STXBP5L: variants seen among roughly 807,000 people sequenced by gnomAD.
STXBP5L encodes syntaxin binding protein 5L.
Under a neutral mutation model 144.5 loss-of-function variants are expected in STXBP5L, and 65 were observed. That is an observed-to-expected ratio of 0.45 (90% CI 0.37 to 0.55). The LOEUF (loss-of-function observed/expected upper bound fraction) is 0.55, where lower values mean the gene tolerates loss of function less well. Among genes scored for constraint, STXBP5L ranks in the 20% least tolerant of loss-of-function variants. The pLI, the probability that STXBP5L is intolerant of heterozygous loss-of-function variation, is 0.00. For synonymous variants in STXBP5L, 505 were observed against 469.6 expected (o/e 1.08, Z -0.97); for missense variants, 1,298 against 1,405.5 (o/e 0.92, Z 1.22).
At chr3:121,203,330 A>G (rs916780442) in intron 9 of STXBP5L, among the ~76,000 whole-genome samples, 1 of 152,112 alleles carries the variant, frequency 6.6e-6, no homozygotes. Flanking sequence ...CTTTTAATCT[A>G]GTCAAATTGG....
intron 10 of STXBP5L, among the ~76,000 whole-genome samples, chr3:121,209,679 A>G (rs1192735918): frequency 9.9e-5 from 15 of 151,452 alleles, no homozygotes; most frequent in African/African-American, 4.9e-5. Context: ...GAGAACATGC[A>G]GTGTTTGGTT....
chr3:120,951,139 C>A (rs910513815), intron 2 of STXBP5L, among the ~76,000 whole-genome samples: 21 of 152,034 alleles, frequency 1.4e-4, no homozygotes, highest in Admixed American at 1.2e-3. Flanking sequence ...TTACACCTTA[C>A]ACAAAAATCA....
intron 10 of STXBP5L, among the ~76,000 whole-genome samples, chr3:121,209,594 C>T (rs1326710875): frequency 6.6e-6 from 1 of 152,014 alleles, no homozygotes; most frequent in Admixed American, 6.6e-5. Context: ...CCCCCCACCC[C>T]ATGACAGGCC....
intron 7 of STXBP5L, among the ~76,000 whole-genome samples, chr3:121,132,858 A>T (rs1302436891): frequency 6.6e-6 from 1 of 152,132 alleles, no homozygotes; most frequent in Non-Finnish European, 1.5e-5. Flanking sequence ...AAATCACTAG[A>T]GGGGTCAATA....
chr3:121,153,250 A>C (rs946424638), intron 8 of STXBP5L, among the ~76,000 whole-genome samples: 3 of 152,038 alleles, frequency 2.0e-5, no homozygotes, highest in Non-Finnish European at 4.4e-5. Flanking sequence ...CGGGCCATTA[A>C]TTATTTTTCC....
At chr3:120,962,111 C>T (rs577110556) in intron 3 of STXBP5L, among the ~76,000 whole-genome samples, 41 of 151,418 alleles carry the variant, frequency 2.7e-4, no homozygotes, top group Non-Finnish European at 3.5e-4. Flanking sequence ...GCCCACTTTT[C>T]GATGGGGTTG....
chr3:121,359,645 A>C (rs1021314099), intron 20 of STXBP5L, among the ~76,000 whole-genome samples: 3 of 151,942 alleles, frequency 2.0e-5, no homozygotes, highest in Non-Finnish European at 2.9e-5. Context: ...GTAGAGGTCT[A>C]TTTTCATTGT....
In STXBP5L at chr3:121,091,869, G is replaced by A. The variant is rs868442645; in HGVS notation, c.471-23056G>A. Reference sequence around the variant, plus strand: ...CTTGCCCATGCCTATGTCCTGAATGGTAATGCCTAGGTTTTCTTCTAGGAT... The same window carrying A: ...CTTGCCCATGCCTATGTCCTGAATGATAATGCCTAGGTTTTCTTCTAGGAT... On this transcript the variant is annotated intron_variant, in intron 5 of 26. Transcript: ENST00000471454. Among the ~76,000 whole-genome samples the A allele has an allele frequency of 2.6e-5, 4 of 152,216 alleles. No homozygotes were observed. In the South Asian group the frequency reaches 6.2e-4, roughly 24 times the overall value.
chr3:120,950,972 A>C (rs935983371), intron 2 of STXBP5L, among the ~76,000 whole-genome samples: 3 of 152,162 alleles, frequency 2.0e-5, no homozygotes, highest in Non-Finnish European at 4.4e-5. Flanking sequence ...TCAATGGAAC[A>C]GAACAGAGGC....
chr3:121,024,870 G>T (rs973036756), intron 3 of STXBP5L, among the ~76,000 whole-genome samples: 2 of 152,030 alleles, frequency 1.3e-5, no homozygotes, highest in Non-Finnish European at 2.9e-5. Context: ...GAAAACCCTG[G>T]ATTAGAATTC....
At chr3:121,103,686 T>C (rs1202094324) in intron 5 of STXBP5L, among the ~76,000 whole-genome samples, 1 of 152,052 alleles carries the variant, frequency 6.6e-6, no homozygotes, top group African/African-American at 2.4e-5. Context: ...CATATATGAA[T>C]ATATAAAAAG....
intron 10 of STXBP5L, among the ~76,000 whole-genome samples, chr3:121,215,266 G>C (rs910311876): frequency 6.6e-6 from 1 of 152,038 alleles, no homozygotes; most frequent in South Asian, 2.1e-4. Flanking sequence ...TGGTTATTTT[G>C]CCCATTAGTT....
intron 10 of STXBP5L, among the ~76,000 whole-genome samples, chr3:121,210,085 T>C (rs1049960773): frequency 1.3e-5 from 2 of 152,136 alleles, no homozygotes; most frequent in African/African-American, 2.4e-5. Flanking sequence ...CCACATCCTC[T>C]CCAGCACCTG....
rs2049626403 is a variant in STXBP5L at position 121,240,349 on chromosome 3, G to A, written c.1333-91G>A. ...ATTTTACACTTATTTTTCTTTAAGTGAGCTTTTTATCATTATTTTAAGCTA... is the reference window on the plus strand; with the variant it reads ...ATTTTACACTTATTTTTCTTTAAGTAAGCTTTTTATCATTATTTTAAGCTA... On this transcript the variant is annotated intron_variant, in intron 13 of 26. Coordinates refer to ENST00000471454, the MANE Select transcript of STXBP5L (RefSeq NM_001308330.2). 2.5e-6 allele frequency: 3 copies of A among 1,201,118 alleles called. No individual in the cohort carries two copies. The African/African-American group carries it at 4.6e-5, about 18-fold the overall frequency. The allele number at this position is 1,201,118 out of a possible 1,614,324, so 74.4% of individuals were successfully genotyped here.
intron 7 of STXBP5L, among the ~76,000 whole-genome samples, chr3:121,142,082 T>C (rs2045532383): frequency 6.6e-6 from 1 of 151,976 alleles, no homozygotes; most frequent in East Asian, 1.9e-4. Context: ...AAATGATAAT[T>C]TATGCAAATA....
Position 121,422,912 on chromosome 3 carries a change from GAGAGAAAAA to G in STXBP5L, c.*3819_*3827del, listed in dbSNP as rs2047382977. 1 of 151,974 alleles carries G rather than the reference GAGAGAAAAA, an allele frequency of 6.6e-6. No homozygotes were observed. The highest frequency in any genetic ancestry group is 6.6e-5 in the Admixed American group (1 of 15,248). The allele number at this position is 151,974 out of a possible 1,614,324, so 9.4% of individuals were successfully genotyped here. ...TACATGAAGGGATCACCATGACTTTGAGAGAAAAAAGAATCAGATTAGGCCTAACATTGG... is the reference window on the plus strand; with the variant it reads ...TACATGAAGGGATCACCATGACTTTGAGAATCAGATTAGGCCTAACATTGG... On this transcript the variant is annotated 3_prime_UTR_variant, in exon 27 of 27. Transcript: ENST00000471454.
intron 9 of STXBP5L, chr3:121,158,559 G>T (rs999741201): frequency 2.6e-5 from 4 of 152,118 alleles, no homozygotes; most frequent in Non-Finnish European, 4.4e-5. Flanking sequence ...AAATGTTTTA[G>T]TCTTTAGCTG....
intron 2 of STXBP5L, among the ~76,000 whole-genome samples, chr3:120,934,823 A>G (rs9855953): frequency 6.6e-6 from 1 of 151,664 alleles, no homozygotes; most frequent in Non-Finnish European, 1.5e-5. Flanking sequence ...CACCTGTTTT[A>G]TTTTAATTAG....
chr3:121,079,125 C>T (rs752244526), intron 5 of STXBP5L, among the ~76,000 whole-genome samples: 37 of 152,194 alleles, frequency 2.4e-4, no homozygotes, highest in Admixed American at 6.5e-4. Context: ...CTCAGAGAGA[C>T]CAAAAAAGGT....
Sources: gnomAD v4.1 joint callset for allele counts (sites outside exome capture counted in the v4.1 genomes callset) on GRCh38, gnomAD v4.1.1 for gene constraint, MANE v1.5 for transcripts, NCBI Gene and HGNC (gene_info 2026-07-23, HGNC 2026-07-21) for gene names.